The following MAGI1 variants were observed in gnomAD, a reference collection of about 807,000 sequenced individuals.
MAGI1 encodes the protein membrane-associated guanylate kinase, WW and PDZ domain-containing protein 1.
In MAGI1, 58 loss-of-function variants were observed where a neutral mutation model predicts 139.9. The observed-to-expected ratio is 0.41, with a 90% confidence interval of 0.34 to 0.52. MAGI1 has a LOEUF of 0.52. Among genes scored for constraint, MAGI1 ranks in the 20% least tolerant of loss-of-function variants. The pLI is 0.12. For missense variants in MAGI1, 1,874 were observed against 1,901.6 expected (o/e 0.99, Z 0.27); for synonymous variants, 812 against 737.9 (o/e 1.10, Z -1.63).
At chr3:66,000,631 A>G (rs2066693985) in intron 1 of MAGI1, among the ~76,000 whole-genome samples, 2 of 152,242 alleles carry the variant, frequency 1.3e-5, no homozygotes, top group Non-Finnish European at 2.9e-5. Flanking sequence ...TCCACACTGG[A>G]GTATTTCAAC....
At chr3:65,442,754 G>C in intron 8 of MAGI1, 38 bp downstream of exon 8, 1 of 1,458,998 alleles carries the variant, frequency 6.9e-7, no homozygotes, top group Non-Finnish European at 9.6e-7. Context: ...ATTATAGAGA[G>C]GTATAAACTA....
intron 13 of MAGI1, among the ~76,000 whole-genome samples, chr3:65,400,800 T>G (rs2107107511): frequency 8.2e-6 from 1 of 121,982 alleles, no homozygotes; most frequent in Non-Finnish European, 1.6e-5. Context: ...AAGAATCCTA[T>G]ACCTGCAGCA....
chr3:65,539,634 C>T (rs531102138), intron 2 of MAGI1, among the ~76,000 whole-genome samples: 6 of 152,154 alleles, frequency 3.9e-5, no homozygotes, highest in Non-Finnish European at 2.9e-5. Context: ...AAAGCCTGGC[C>T]AGGCTTTCCA....
rs2060897676 is a variant in MAGI1 at position 65,894,633 on chromosome 3, G to A, written c.313+143363C>T. Among the ~76,000 whole-genome samples, 7 of 152,290 alleles carry A rather than the reference G, an allele frequency of 4.6e-5. No individual in the cohort carries two copies. The South Asian group carries it at 1.5e-3, about 32-fold the overall frequency. On this transcript the variant is annotated intron_variant, in intron 1 of 22. Transcript: ENST00000402939. The stretch of plus-strand genomic sequence containing the variant: ...ATACAATACCAAGAGTATTCAGTAA[G>A]GATAGTCCTTGAAAAGACTAGCAAC...
At chr3:66,027,520 C>G (rs529829964) in intron 1 of MAGI1, among the ~76,000 whole-genome samples, 37 of 152,138 alleles carry the variant, frequency 2.4e-4, no homozygotes, top group Middle Eastern at 3.4e-3. Flanking sequence ...TTATTGGAAT[C>G]AGATAGATCT....
intron 1 of MAGI1, among the ~76,000 whole-genome samples, chr3:65,880,621 G>A (rs1039857641): frequency 2.6e-5 from 4 of 152,092 alleles, no homozygotes; most frequent in African/African-American, 9.7e-5. Context: ...TGTCATAAAA[G>A]TAGCATTCCA....
chr3:65,824,717 A>G (rs2108268476), intron 1 of MAGI1, among the ~76,000 whole-genome samples: 1 of 152,344 alleles, frequency 6.6e-6, no homozygotes, highest in African/African-American at 2.4e-5. Flanking sequence ...CTAATGCAGC[A>G]TTCAGAGCTT....
chr3:65,508,852 CTCTTGGGTTCCA>C (rs1254616314), intron 2 of MAGI1, among the ~76,000 whole-genome samples: 31 of 152,320 alleles, frequency 2.0e-4, no homozygotes, highest in Non-Finnish European at 4.4e-5. Flanking sequence ...CTGGTTCTCA[CTCTTGGGTTCCA>C]TCTGATTTGT....
intron 1 of MAGI1, among the ~76,000 whole-genome samples, chr3:65,917,719 C>A (rs775111948): frequency 6.6e-6 from 1 of 152,150 alleles, no homozygotes; most frequent in Non-Finnish European, 1.5e-5. Flanking sequence ...TTCCAATTAT[C>A]TGACATTCTG....
At chr3:65,854,679 A>T (rs1302283478) in intron 1 of MAGI1, among the ~76,000 whole-genome samples, 1 of 152,260 alleles carries the variant, frequency 6.6e-6, no homozygotes, top group Non-Finnish European at 1.5e-5. Flanking sequence ...AGGGTTCTGC[A>T]AATGAGGCAC....
At chr3:65,783,380 G>A (rs975203165) in intron 1 of MAGI1, among the ~76,000 whole-genome samples, 12 of 152,146 alleles carry the variant, frequency 7.9e-5, no homozygotes, top group African/African-American at 2.7e-4. Flanking sequence ...AAGGCACAGG[G>A]GCTCACGCCT....
chr3:65,650,833 G>C (rs891050133), intron 1 of MAGI1, among the ~76,000 whole-genome samples: 1 of 152,124 alleles, frequency 6.6e-6, no homozygotes, highest in Non-Finnish European at 1.5e-5. Flanking sequence ...AAGTATGAGA[G>C]GCATTGACAT....
intron 1 of MAGI1, among the ~76,000 whole-genome samples, chr3:65,969,288 G>A (rs1265852231): frequency 6.6e-6 from 1 of 152,144 alleles, no homozygotes; most frequent in Non-Finnish European, 1.5e-5. Context: ...ATTTCACCGG[G>A]AGCGGAGTTA....
At chr3:65,799,006 G>C (rs548364980) in intron 1 of MAGI1, among the ~76,000 whole-genome samples, 7 of 152,182 alleles carry the variant, frequency 4.6e-5, no homozygotes, top group Admixed American at 4.6e-4. Flanking sequence ...TTTACCTAAT[G>C]ATGACCCGAG....
intron 2 of MAGI1, among the ~76,000 whole-genome samples, chr3:65,548,125 G>A (rs2079590820): frequency 6.6e-6 from 1 of 152,184 alleles, no homozygotes; most frequent in Non-Finnish European, 1.5e-5. Flanking sequence ...ATGTGAATAC[G>A]CTTTGCTCTG....
intron 1 of MAGI1, among the ~76,000 whole-genome samples, chr3:65,639,169 C>T (rs2084830779): frequency 1.3e-5 from 2 of 152,148 alleles, no homozygotes; most frequent in Non-Finnish European, 2.9e-5. Flanking sequence ...TATTGGTTGT[C>T]TTCTTAATGT....
chr3:65,703,984 A>C (rs539753307), intron 1 of MAGI1, among the ~76,000 whole-genome samples: 22 of 152,272 alleles, frequency 1.4e-4, no homozygotes, highest in East Asian at 1.4e-3. Flanking sequence ...TTTTTTGGGA[A>C]GCTGGTACAA....
chr3:65,404,617 T>C (rs575778992), intron 12 of MAGI1, among the ~76,000 whole-genome samples: 1 of 152,322 alleles, frequency 6.6e-6, no homozygotes, highest in South Asian at 2.1e-4. Context: ...GGTCATTAAA[T>C]CTTAAAATCT....
chr3:65,734,461 A>G (rs1034672164), intron 1 of MAGI1, among the ~76,000 whole-genome samples: 2 of 61,508 alleles, frequency 3.3e-5, no homozygotes, highest in Non-Finnish European at 6.9e-5. Flanking sequence ...CCCTGTCAAG[A>G]AAAAAAAAAA....
Sources: gnomAD v4.1 joint callset for allele counts (sites outside exome capture counted in the v4.1 genomes callset) on GRCh38, gnomAD v4.1.1 for gene constraint, MANE v1.5 for transcripts, NCBI Gene and HGNC (gene_info 2026-07-23, HGNC 2026-07-21) for gene names.